The following CMC1 variants were observed in gnomAD, a reference collection of about 807,000 sequenced individuals.
The protein encoded by CMC1 is C-X9-C motif containing 1.
CMC1 carries 14 observed loss-of-function variants against 14.1 expected under a neutral mutation model. The ratio of observed to expected loss-of-function variants is 0.99; its 90% CI spans 0.66 to 1.55. The LOEUF (loss-of-function observed/expected upper bound fraction) is 1.55, where lower values mean the gene tolerates loss of function less well. Ranked by LOEUF, CMC1 falls within the 40% of genes most tolerant of loss-of-function variation. The pLI is 0.00. For synonymous variants in CMC1, 50 were observed against 38.4 expected (o/e 1.30, Z -1.12); for missense variants, 127 against 123.8 (o/e 1.03, Z -0.12).
chr3:28,267,285 CATT>C (rs1700055799), intron 2 of CMC1, among the ~76,000 whole-genome samples: 1 of 152,168 alleles, frequency 6.6e-6, no homozygotes. Flanking sequence ...AAAAATTCCT[CATT>C]ATATTTCTTT....
chr3:28,276,161 G>T (rs1331103537), intron 2 of CMC1, among the ~76,000 whole-genome samples: 1 of 152,096 alleles, frequency 6.6e-6, no homozygotes, highest in South Asian at 2.1e-4. Flanking sequence ...AATTCCCAGT[G>T]CAGGATTCAC....
intron 1 of CMC1, among the ~76,000 whole-genome samples, chr3:28,255,766 G>T (rs1699375557): frequency 1.4e-5 from 2 of 138,694 alleles, no homozygotes; most frequent in South Asian, 4.5e-4. Flanking sequence ...CGACAGAGAT[G>T]ATATGTAAAG....
At chr3:28,260,633 T>A (rs1559405977) in intron 1 of CMC1, among the ~76,000 whole-genome samples, 1 of 151,986 alleles carries the variant, frequency 6.6e-6, no homozygotes, top group Non-Finnish European at 1.5e-5. Context: ...CCTCTTTTGC[T>A]TGCTTTGTGT....
intron 2 of CMC1, among the ~76,000 whole-genome samples, chr3:28,295,601 A>G (rs753164557): frequency 3.9e-5 from 6 of 152,208 alleles, no homozygotes; most frequent in Middle Eastern, 3.4e-3. Flanking sequence ...CTCTTACCAC[A>G]TTGTAACATA....
rs1703230857 is a variant in CMC1, at chr3:28,322,880, A to G, written c.*3251A>G. 1 of 151,354 alleles carries G rather than the reference A, an allele frequency of 6.6e-6. No individual in the cohort carries two copies. The highest frequency in any genetic ancestry group is 2.1e-4 in the South Asian group (1 of 4,826). 9.4% of individuals were successfully genotyped at this position (151,354 alleles called of 1,614,324 possible). A position where few individuals can be genotyped will look rare whatever the true frequency, so the allele number is the denominator to read the frequency against. On this transcript the variant is annotated 3_prime_UTR_variant, in exon 4 of 4. Transcript: ENST00000466830. ...TATGAAACTGTCTATCAAAAAGGAT[A>G]AAAGTCCTCCTACATGAAATACTTT...
intron 1 of CMC1, among the ~76,000 whole-genome samples, chr3:28,247,999 C>T (rs1394570316): frequency 2.0e-5 from 3 of 152,186 alleles, no homozygotes; most frequent in East Asian, 3.9e-4. Context: ...TCCTGATTGC[C>T]ACCACCTCCA....
rs757277376 is a variant in CMC1 at position 28,324,459 on chromosome 3, A to G, written c.*4830A>G. 6.2e-6 allele frequency: 9 copies of G among 1,459,300 alleles called. No homozygotes were observed. In the African/African-American group the frequency reaches 1.3e-4, roughly 21 times the overall value. 90.4% of individuals were successfully genotyped at this position (1,459,300 alleles called of 1,614,324 possible). A position where few individuals can be genotyped will look rare whatever the true frequency, so the allele number is the denominator to read the frequency against. On this transcript the variant is annotated 3_prime_UTR_variant, in exon 4 of 4. Coordinates refer to ENST00000466830, the MANE Select transcript of CMC1 (RefSeq NM_182523.2). ...TGCATCCTACAGGGGCACAGGCTAA[A>G]AAGAAAACACAGACTAAATGTCAGT...
chr3:28,264,336 A>C (rs1237893564), intron 2 of CMC1, among the ~76,000 whole-genome samples: 2 of 152,140 alleles, frequency 1.3e-5, no homozygotes, highest in Admixed American at 6.6e-5. Flanking sequence ...TTTGGATACT[A>C]GGAACGCTTT....
intron 2 of CMC1, among the ~76,000 whole-genome samples, chr3:28,266,505 T>G (rs1012734034): frequency 1.2e-4 from 18 of 145,800 alleles, no homozygotes; most frequent in East Asian, 7.9e-4. Context: ...AAGTATATGG[T>G]TTTTTTTTTT....
At chr3:28,251,769 G>T (rs1029753423) in intron 1 of CMC1, among the ~76,000 whole-genome samples, 2 of 152,156 alleles carry the variant, frequency 1.3e-5, no homozygotes, top group African/African-American at 4.8e-5. Context: ...GGTGGAGAGA[G>T]GCTTGAGGAA....
intron 2 of CMC1, among the ~76,000 whole-genome samples, chr3:28,265,295 A>C (rs1699947021): frequency 6.6e-6 from 1 of 152,092 alleles, no homozygotes; most frequent in Non-Finnish European, 1.5e-5. Context: ...TAGAATCTAA[A>C]ATTGATAAGA....
chr3:28,254,538 G>A (rs1171750119), intron 1 of CMC1, among the ~76,000 whole-genome samples: 6 of 152,128 alleles, frequency 3.9e-5, no homozygotes, highest in Non-Finnish European at 1.5e-5. Context: ...TTTTAAAAAT[G>A]TGTTTGATAG....
rs145982816 is a variant in CMC1, at chr3:28,244,101, G to A, written c.19+2289G>A. Among the ~76,000 whole-genome samples, 688 of 152,332 alleles carry A rather than the reference G, an allele frequency of 4.5e-3. 3 individuals carry two copies. The highest frequency in any genetic ancestry group is 0.014 in the African/African-American group (587 of 41,570). ...AAAGTAGGTAGTCACTAAATGCCTA[G>A]ATATTGCAGAGGCTGCAAGTCCTCA... On this transcript the variant is annotated intron_variant, in intron 1 of 3. Transcript: ENST00000466830.
chr3:28,253,748 A>G lies in CMC1; in HGVS notation c.20-9543A>G, dbSNP rs573147490. The G allele has an allele frequency of 1.3e-5, 17 of 1,286,336 alleles. No homozygotes were observed. In the South Asian group the frequency reaches 2.1e-4, roughly 16 times the overall value. 79.7% of individuals were successfully genotyped at this position (1,286,336 alleles called of 1,614,324 possible). ...TCCTACAGAGTAAACAGTAGCACCA[A>G]ACTGTCTTCAGGAGCAAGTAAGTGT... On this transcript the variant is annotated intron_variant, in intron 1 of 3. Transcript: ENST00000466830.
intron 2 of CMC1, chr3:28,298,102 G>T (rs1018940863): frequency 6.6e-6 from 1 of 151,562 alleles, no homozygotes; most frequent in African/African-American, 2.4e-5. Context: ...AGTTGCATAG[G>T]TAGCCCAGCC....
intron 2 of CMC1, among the ~76,000 whole-genome samples, chr3:28,270,376 A>G (rs1428764925): frequency 6.6e-6 from 1 of 152,174 alleles, no homozygotes; most frequent in Non-Finnish European, 1.5e-5. Flanking sequence ...ATTCCCACCA[A>G]CAGTGTAAAA....
In CMC1 at chr3:28,324,388, A is replaced by G. The variant is rs754717597; in HGVS notation, c.*4759A>G. On this transcript the variant is annotated 3_prime_UTR_variant, in exon 4 of 4. Coordinates refer to ENST00000466830, the MANE Select transcript of CMC1 (RefSeq NM_182523.2). The stretch of plus-strand genomic sequence containing the variant: ...GGGATGTCTTGTGTATGTTGCAGTA[A>G]AATTCATCAAGTGCAGTTTTGTGCT... 1 of 1,560,054 alleles carries G rather than the reference A, an allele frequency of 6.4e-7. No homozygotes were observed. Among genetic ancestry groups the G allele is most frequent in the African/African-American group, 1.4e-5 (1 of 72,986 alleles).
At chr3:28,274,209 TTTG>T (rs1324821456) in intron 2 of CMC1, among the ~76,000 whole-genome samples, 1 of 129,622 alleles carries the variant, frequency 7.7e-6, no homozygotes, top group South Asian at 2.5e-4. Context: ...CTAAAGTGTT[TTTG>T]TTTTTTTCTT....
chr3:28,270,791 A>G (rs1434169758), intron 2 of CMC1, among the ~76,000 whole-genome samples: 2 of 151,796 alleles, frequency 1.3e-5, no homozygotes, highest in Admixed American at 1.3e-4. Context: ...TTTTGTTGCA[A>G]TTGGTTTTGG....
Sources: gnomAD v4.1 joint callset for allele counts (sites outside exome capture counted in the v4.1 genomes callset) on GRCh38, gnomAD v4.1.1 for gene constraint, MANE v1.5 for transcripts, NCBI Gene and HGNC (gene_info 2026-07-23, HGNC 2026-07-21) for gene names.